KCNC2: variants seen among roughly 807,000 people sequenced by gnomAD.
KCNC2 encodes the protein voltage-gated potassium channel KCNC2.
In KCNC2, 21 loss-of-function variants were observed where a neutral mutation model predicts 44.5. That is an observed-to-expected ratio of 0.47 (90% CI 0.33 to 0.68). The LOEUF (loss-of-function observed/expected upper bound fraction) is 0.68, where lower values mean the gene tolerates loss of function less well. KCNC2 is among the 30% of genes least tolerant of loss of function. The pLI is 0.01. For synonymous variants in KCNC2, 391 were observed against 339.1 expected (o/e 1.15, Z -1.68); for missense variants, 589 against 826.2 (o/e 0.71, Z 3.52).
In KCNC2 at chr12:75,042,537, C is replaced by A. The variant is rs1490897946; in HGVS notation, c.*568G>T. 9.2e-6 allele frequency: 13 copies of A among 1,411,124 alleles called. No individual in the cohort carries two copies. The highest frequency in any genetic ancestry group is 1.2e-5 in the Non-Finnish European group (13 of 1,086,908). 87.4% of individuals were successfully genotyped at this position (1,411,124 alleles called of 1,614,324 possible). On this transcript the variant is annotated 3_prime_UTR_variant, in exon 5 of 5. Coordinates refer to ENST00000549446, the MANE Select transcript of KCNC2 (RefSeq NM_139137.4). ...CCTCCCTGCCCCACAATTCAACATG[C>A]AGAACAGTCGACCAATGCTTTCATA... is the stretch of plus-strand genomic sequence containing the variant.
intron 2 of KCNC2, among the ~76,000 whole-genome samples, chr12:75,141,643 A>G (rs1889660467): frequency 6.6e-6 from 1 of 152,162 alleles, no homozygotes; most frequent in Admixed American, 6.6e-5. Context: ...CAGAATTTGA[A>G]TCCATCTTCT....
chr12:75,181,916 C>CTTTTTTTTTTTTTTTTTT lies in KCNC2; in HGVS notation c.687+25363_687+25380dup, dbSNP rs61089425. Among the ~76,000 whole-genome samples, 38 of 47,876 alleles carry CTTTTTTTTTTTTTTTTTT rather than the reference C, an allele frequency of 7.9e-4. 11 individuals are homozygous for CTTTTTTTTTTTTTTTTTT. Among genetic ancestry groups the CTTTTTTTTTTTTTTTTTT allele is most frequent in the East Asian group, 2.0e-3 (2 of 1,014 alleles). 31.4% of individuals were successfully genotyped at this position (47,876 alleles called of 152,430 possible). On this transcript the variant is annotated intron_variant, in intron 2 of 4. Transcript: ENST00000549446. ...AAACATTATTACTATTAATATCTTC[C>CTTTTTTTTTTTTTTTTTT]TTTTTTTTTTTTTTTTTTTTTTTTT...
chr12:75,086,699 T>TATATATAC (rs1339170718), intron 2 of KCNC2, among the ~76,000 whole-genome samples: 216 of 138,320 alleles, frequency 1.6e-3, no homozygotes, highest in African/African-American at 5.7e-3. Context: ...TATATATATA[T>TATATATAC]ACACACACAT....
At chr12:75,061,610 C>CAT (rs1555204260) in intron 2 of KCNC2, among the ~76,000 whole-genome samples, 25 of 136,496 alleles carry the variant, frequency 1.8e-4, no homozygotes, top group African/African-American at 5.9e-4. Flanking sequence ...CACACACACA[C>CAT]ACAAAACACA....
intron 2 of KCNC2, among the ~76,000 whole-genome samples, chr12:75,185,319 A>G (rs1316190629): frequency 1.3e-5 from 2 of 152,090 alleles, no homozygotes; most frequent in Non-Finnish European, 2.9e-5. Context: ...CTACAATGCT[A>G]TGGTTTGAAA....
intron 2 of KCNC2, among the ~76,000 whole-genome samples, chr12:75,193,771 C>T (rs1452137476): frequency 1.3e-5 from 2 of 152,208 alleles, no homozygotes; most frequent in Admixed American, 1.3e-4. Context: ...CCTATCCACC[C>T]ACCCTGAAGG....
chr12:75,078,710 C>A (rs1228751438), intron 2 of KCNC2, among the ~76,000 whole-genome samples: 1 of 152,074 alleles, frequency 6.6e-6, no homozygotes, highest in Non-Finnish European at 1.5e-5. Flanking sequence ...AACTGAGATT[C>A]CAATCAAGTT....
intron 2 of KCNC2, among the ~76,000 whole-genome samples, chr12:75,085,904 T>G (rs1330482881): frequency 6.6e-6 from 1 of 152,048 alleles, no homozygotes; most frequent in Non-Finnish European, 1.5e-5. Flanking sequence ...ATGGTAGTGA[T>G]GAAAATACAT....
At chr12:75,080,111 C>T (rs781373663) in intron 2 of KCNC2, among the ~76,000 whole-genome samples, 1 of 151,988 alleles carries the variant, frequency 6.6e-6, no homozygotes, top group Non-Finnish European at 1.5e-5. Context: ...AATATATTGT[C>T]TTTTTTCTTC....
intron 2 of KCNC2, among the ~76,000 whole-genome samples, chr12:75,167,946 T>G (rs1472514025): frequency 6.6e-6 from 1 of 151,356 alleles, no homozygotes; most frequent in Non-Finnish European, 1.5e-5. Context: ...TATCTCAATC[T>G]CTGCATTTTA....
At chr12:75,094,584 C>A (rs971861262) in intron 2 of KCNC2, among the ~76,000 whole-genome samples, 3 of 151,692 alleles carry the variant, frequency 2.0e-5, no homozygotes, top group Non-Finnish European at 3.0e-5. Context: ...AATATAGCCC[C>A]TCTGCCACCC....
At chr12:75,166,992 CA>C (rs1261373285) in intron 2 of KCNC2, among the ~76,000 whole-genome samples, 1 of 150,746 alleles carries the variant, frequency 6.6e-6, no homozygotes, top group African/African-American at 2.4e-5. Flanking sequence ...TCAACAAAAC[CA>C]AAATTTAGTT....
At chr12:75,136,942 C>T (rs1369432734) in intron 2 of KCNC2, among the ~76,000 whole-genome samples, 2 of 152,052 alleles carry the variant, frequency 1.3e-5, no homozygotes, top group African/African-American at 4.8e-5. Context: ...ACAACATTCC[C>T]AATCCATTGC....
intron 2 of KCNC2, among the ~76,000 whole-genome samples, chr12:75,069,990 C>A (rs1413246637): frequency 6.6e-6 from 1 of 152,152 alleles, no homozygotes; most frequent in Non-Finnish European, 1.5e-5. Context: ...CAACAAATGT[C>A]ATGAAAAGTG....
At chr12:75,116,933 G>C (rs1436325379) in intron 2 of KCNC2, among the ~76,000 whole-genome samples, 1 of 152,134 alleles carries the variant, frequency 6.6e-6, no homozygotes, top group Admixed American at 6.5e-5. Context: ...ATCTGCTCTA[G>C]CTATCATTTC....
At chr12:75,189,184 G>C (rs373709544) in intron 2 of KCNC2, among the ~76,000 whole-genome samples, 4 of 152,110 alleles carry the variant, frequency 2.6e-5, no homozygotes, top group East Asian at 3.9e-4. Context: ...ATAATGTTTT[G>C]AAGACTGGGA....
At chr12:75,179,660 C>G (rs375632793) in intron 2 of KCNC2, among the ~76,000 whole-genome samples, 18 of 141,524 alleles carry the variant, frequency 1.3e-4, no homozygotes, top group African/African-American at 2.9e-4. Flanking sequence ...TATAAAACTA[C>G]TTTTATATCT....
chr12:75,199,312 T>C (rs755840287), intron 2 of KCNC2, among the ~76,000 whole-genome samples: 1 of 151,850 alleles, frequency 6.6e-6, no homozygotes, highest in Non-Finnish European at 1.5e-5. Context: ...GAGACACTAC[T>C]GAAGTGTCTG....
At chr12:75,086,660 CAAAAAAAAAAA>C (rs751242858) in intron 2 of KCNC2, among the ~76,000 whole-genome samples, 12 of 116,966 alleles carry the variant, frequency 1.0e-4, no homozygotes, top group African/African-American at 3.7e-4. Flanking sequence ...GTTCATTTGG[CAAAAAAAAAAA>C]AAAAAAAAAA....
Sources: allele counts gnomAD v4.1 joint callset (sites outside exome capture counted in the v4.1 genomes callset), GRCh38; gene constraint gnomAD v4.1.1; transcripts MANE v1.5; gene names NCBI Gene and HGNC (gene_info 2026-07-23, HGNC 2026-07-21).